The following ESR1 variants were observed in gnomAD, a reference collection of about 807,000 sequenced individuals.
The protein encoded by ESR1 is estrogen receptor 1.
A neutral mutation model predicts 52.7 loss-of-function variants in ESR1; 12 were observed. That is an observed-to-expected ratio of 0.23 (90% CI 0.15 to 0.37). ESR1 has a LOEUF of 0.37. Ranked by LOEUF, ESR1 falls within the 10% of genes least tolerant of loss-of-function variation. The pLI is 1.00. For synonymous variants in ESR1, 305 were observed against 316.8 expected (o/e 0.96, Z 0.39); for missense variants, 584 against 779.7 (o/e 0.75, Z 2.99).
At chr6:152,113,471 G>A (rs1302285896) in intron 6 of ESR1, among the ~76,000 whole-genome samples, 1 of 152,120 alleles carries the variant, frequency 6.6e-6, no homozygotes, top group Non-Finnish European at 1.5e-5. Context: ...GTTACCGCAG[G>A]GCTGTCGAGA....
intron 3 of ESR1, among the ~76,000 whole-genome samples, chr6:151,890,080 GT>G (rs1562517277): frequency 2.0e-5 from 3 of 148,384 alleles, no homozygotes; most frequent in African/African-American, 4.9e-5. Context: ...GAACTATACT[GT>G]TTTTTTTCTT....
intron 5 of ESR1, among the ~76,000 whole-genome samples, chr6:152,047,601 A>G (rs944701145): frequency 1.3e-5 from 2 of 152,134 alleles, no homozygotes; most frequent in African/African-American, 4.8e-5. Context: ...TCGTCCTGCT[A>G]TAGAGACTTA....
At chr6:151,885,053 C>T (rs571252770) in intron 3 of ESR1, among the ~76,000 whole-genome samples, 2 of 151,974 alleles carry the variant, frequency 1.3e-5, no homozygotes, top group African/African-American at 2.4e-5. Context: ...TCTTGTTTAC[C>T]GATCTTGCAT....
At chr6:151,765,261 A>C (rs1784960073) in intron 2 of ESR1, among the ~76,000 whole-genome samples, 1 of 152,238 alleles carries the variant, frequency 6.6e-6, no homozygotes, top group Non-Finnish European at 1.5e-5. Flanking sequence ...GATATCGTAA[A>C]ATTTACATTT....
At chr6:151,767,064 G>A (rs181448072) in intron 2 of ESR1, among the ~76,000 whole-genome samples, 6 of 152,220 alleles carry the variant, frequency 3.9e-5, no homozygotes, top group African/African-American at 7.2e-5. Context: ...TTTACACCAC[G>A]TATTTCTGGT....
chr6:152,113,836 A>G (rs1425955544), intron 6 of ESR1, among the ~76,000 whole-genome samples: 1 of 152,142 alleles, frequency 6.6e-6, no homozygotes, highest in Non-Finnish European at 1.5e-5. Context: ...CACCATTATT[A>G]TCCCATTTTA....
chr6:152,102,805 A>G lies in ESR1; in HGVS notation c.*3839A>G, dbSNP rs1016075459. 2.7e-5 allele frequency: 6 copies of G among 224,410 alleles called. No individual in the cohort carries two copies. The East Asian group carries it at 3.9e-4, about 14-fold the overall frequency. The allele number at this position is 224,410 out of a possible 1,614,324, so 13.9% of individuals were successfully genotyped here. A position where few individuals can be genotyped will look rare whatever the true frequency, so the allele number is the denominator to read the frequency against. ...ATCCAATTGTGCCTGAACTTTTAAA[A>G]TATGTAAATGCTGCCATGTTCCAAA... On this transcript the variant is annotated 3_prime_UTR_variant, in exon 8 of 8. Coordinates refer to ENST00000206249, the MANE Select transcript of ESR1 (RefSeq NM_000125.4).
intron 4 of ESR1, among the ~76,000 whole-genome samples, chr6:151,947,451 C>T (rs1196581577): frequency 6.6e-6 from 1 of 152,084 alleles, no homozygotes; most frequent in Non-Finnish European, 1.5e-5. Context: ...CCTCAGAATA[C>T]CTATCAATAT....
chr6:151,916,305 T>G (rs2030164534), intron 3 of ESR1, among the ~76,000 whole-genome samples: 1 of 152,176 alleles, frequency 6.6e-6, no homozygotes, highest in South Asian at 2.1e-4. Flanking sequence ...CTACTGTCCT[T>G]GGTGGAATGT....
chr6:151,735,810 C>T (rs936994260), intron 2 of ESR1, among the ~76,000 whole-genome samples: 2 of 152,222 alleles, frequency 1.3e-5, no homozygotes, highest in African/African-American at 4.8e-5. Flanking sequence ...CCCATAATCT[C>T]CACACGTCAA....
intron 2 of ESR1, among the ~76,000 whole-genome samples, chr6:151,702,922 T>A (rs1779905306): frequency 6.6e-6 from 1 of 152,140 alleles, no homozygotes; most frequent in African/African-American, 2.4e-5. Context: ...ATATAAAAGA[T>A]TAAATGCACC....
intron 3 of ESR1, among the ~76,000 whole-genome samples, chr6:151,899,124 G>A (rs1488536310): frequency 7.0e-6 from 1 of 143,686 alleles, no homozygotes. Flanking sequence ...CCGGGCGGGG[G>A]GCTGACCCCC....
intron 4 of ESR1, among the ~76,000 whole-genome samples, chr6:152,005,433 C>T (rs1417853103): frequency 2.0e-5 from 3 of 151,940 alleles, no homozygotes; most frequent in African/African-American, 7.2e-5. Context: ...TACAACATGA[C>T]ATCATGAATG....
rs1437011086 is a variant in ESR1 at position 151,751,730 on chromosome 6, A to G, written c.-71+49725A>G. Among the ~76,000 whole-genome samples the G allele has an allele frequency of 9.2e-5, 14 of 152,338 alleles. No individual in the cohort carries two copies. In the East Asian group the frequency reaches 2.3e-3, roughly 25 times the overall value. On this transcript the variant is annotated intron_variant, in intron 2 of 2. Coordinates refer to the ESR1 transcript ENST00000404742. Reference sequence around the variant, plus strand: ...ACATCCTACATAAACACAAAAAATGATATGAGACATAGATATAACTTGGTT... The same window carrying G: ...ACATCCTACATAAACACAAAAAATGGTATGAGACATAGATATAACTTGGTT...
intron 2 of ESR1, among the ~76,000 whole-genome samples, chr6:151,791,077 C>G (rs1374572614): frequency 1.3e-5 from 2 of 152,164 alleles, no homozygotes; most frequent in Non-Finnish European, 2.9e-5. Context: ...ACCTCCCAGA[C>G]GGCTGGTCTG....
upstream of ESR1, among the ~76,000 whole-genome samples, chr6:151,688,351 G>A (rs1778768761): frequency 6.6e-6 from 1 of 152,180 alleles, no homozygotes; most frequent in Non-Finnish European, 1.5e-5. Context: ...ATTCTGAAAT[G>A]GAGCTTTAAA....
intron 1 of ESR1, among the ~76,000 whole-genome samples, chr6:151,810,156 A>G (rs1230798064): frequency 6.6e-6 from 1 of 152,212 alleles, no homozygotes; most frequent in Non-Finnish European, 1.5e-5. Flanking sequence ...ATCGCATCTT[A>G]TTCAAAATTG....
chr6:151,965,659 T>C (rs2038189075), intron 4 of ESR1, among the ~76,000 whole-genome samples: 1 of 152,096 alleles, frequency 6.6e-6, no homozygotes, highest in Non-Finnish European at 1.5e-5. Context: ...TATACCTATA[T>C]AATATACCTA....
intron 4 of ESR1, among the ~76,000 whole-genome samples, chr6:151,992,697 T>C (rs1201733305): frequency 6.6e-6 from 1 of 152,146 alleles, no homozygotes; most frequent in African/African-American, 2.4e-5. Context: ...TTGAAGCATG[T>C]GGATTTGCTT....
Sources: gnomAD v4.1 joint callset for allele counts (sites outside exome capture counted in the v4.1 genomes callset) on GRCh38, gnomAD v4.1.1 for gene constraint, MANE v1.5 for transcripts, NCBI Gene and HGNC (gene_info 2026-07-23, HGNC 2026-07-21) for gene names.